Variants in RPL27 observed in about 807,000 individuals in gnomAD.
RPL27 encodes the protein large ribosomal subunit protein eL27.
For missense variants in RPL27, 131 were observed against 174.3 expected, an observed-to-expected ratio of 0.75 and a Z score of 1.40; for synonymous variants, 77 against 61.0, an observed-to-expected ratio of 1.26 and a Z score of -1.22.
intron 3 of RPL27, among the ~76,000 whole-genome samples, chr17:43,002,342 A>G (rs1197325394): frequency 1.4e-5 from 2 of 146,176 alleles, no homozygotes; most frequent in African/African-American, 2.7e-5. Flanking sequence ...CGTCTCTACT[A>G]AAAAAATACA....
At chr17:43,001,666 G>T (rs1270636062) in intron 3 of RPL27, among the ~76,000 whole-genome samples, 2 of 151,542 alleles carry the variant, frequency 1.3e-5, no homozygotes, top group Non-Finnish European at 2.9e-5. Flanking sequence ...CTGTTTCTTG[G>T]GTGCTGGGAT....
intron 2 of RPL27, chr17:42,999,700 T>A: frequency 3.9e-6 from 2 of 508,526 alleles, no homozygotes; most frequent in Non-Finnish European, 7.0e-6. Flanking sequence ...TGTTAACTGT[T>A]GCTACTTTTA....
rs780252530 is a variant in RPL27 at position 42,999,987 on chromosome 17, A to C, written c.136A>C (p.Ile46Leu). The C allele has an allele frequency of 6.2e-7, 1 of 1,612,306 alleles. No homozygotes were observed. The highest frequency in any genetic ancestry group is 8.5e-7 in the Non-Finnish European group (1 of 1,179,894). Residue 46 changes from isoleucine to leucine, a missense_variant, in exon 3 of 5, where the codon ATT becomes CTT. Transcript: ENST00000253788. ...RPYSHALVAG[I>L]DRYPRKVTAA... is the part of the protein sequence containing the mutation. ...CTACAGCCATGCTCTGGTGGCTGGA[A>C]TTGACCGCTACCCCCGCAAAGTGAC...
chr17:42,998,557 C>T (rs1206508644), intron 1 of RPL27, 86 bp downstream of exon 1: 2 of 479,278 alleles, frequency 4.2e-6, no homozygotes, highest in Non-Finnish European at 3.7e-6. Context: ...GGGTGCATTC[C>T]TTCCCTAGGT....
Position 42,998,850 on chromosome 17 carries a change from T to C in RPL27, c.81+19T>C. 1.2e-6 allele frequency: 2 copies of C among 1,607,900 alleles called. No individual in the cohort carries two copies. The highest frequency in any genetic ancestry group is 1.7e-5 in the Admixed American group (1 of 59,914). ...CGTGAAGGTATCAGCCTCGCGGGACTCTGCGTCCTTGCATGCCGGGACCAG... is the reference window on the plus strand; with the variant it reads ...CGTGAAGGTATCAGCCTCGCGGGACCCTGCGTCCTTGCATGCCGGGACCAG... On this transcript the variant is annotated intron_variant, in intron 2 of 4. Transcript: ENST00000253788.
At chr17:43,001,353 C>G (rs1003526319) in intron 3 of RPL27, among the ~76,000 whole-genome samples, 1 of 151,886 alleles carries the variant, frequency 6.6e-6, no homozygotes, top group Non-Finnish European at 1.5e-5. Flanking sequence ...AGGCCGGACA[C>G]CATGGCTCAC....
chr17:42,999,941 T>C lies in RPL27; in HGVS notation c.90T>C (p.Asp30=), dbSNP rs771862469. Residue 30 remains aspartate (D), a synonymous_variant, in exon 3 of 5, where the codon GAT becomes GAC. Coordinates refer to ENST00000253788, the MANE Select transcript of RPL27 (RefSeq NM_000988.5). ...AATTCTTACTCATTTAGAACATTGA[T>C]GATGGCACCTCAGATCGCCCCTACA... The part of the protein sequence containing the change: ...GRKAVIVKNI[D]DGTSDRPYSH... 91 of 1,611,616 alleles carry C rather than the reference T, an allele frequency of 5.6e-5. 3 individuals carry two copies. Among genetic ancestry groups the C allele is most frequent in the East Asian group, 4.5e-4 (20 of 44,884 alleles).
chr17:42,998,579 A>G, intron 1 of RPL27, 108 bp downstream of exon 1: 3 of 523,934 alleles, frequency 5.7e-6, no homozygotes, highest in Non-Finnish European at 1.0e-5. Context: ...TCTGGCGGCT[A>G]CGTATCCGAT....
intron 3 of RPL27, 145 bp downstream of exon 3, chr17:43,000,247 G>A: frequency 1.5e-6 from 1 of 676,512 alleles, no homozygotes; most frequent in Non-Finnish European, 2.6e-6. Context: ...ATGGTTTCCA[G>A]TTTTGCCTTT....
Position 43,002,733 on chromosome 17 carries a change from T to C in RPL27, c.312T>C (p.Pro104=), listed in dbSNP as rs2050378675. ...TCAATAAGGATGTCTTCAGAGATCCTGCTCTTAAACGCAAGGCCCGACGGG... is the reference window on the plus strand; with the variant it reads ...TCAATAAGGATGTCTTCAGAGATCCCGCTCTTAAACGCAAGGCCCGACGGG... ...TVVNKDVFRD[P]ALKRKARREA... is the part of the protein sequence containing the mutation. Residue 104 remains proline, a synonymous_variant, in exon 4 of 5, where the codon CCT becomes CCC. Coordinates refer to ENST00000253788, the MANE Select transcript of RPL27 (RefSeq NM_000988.5). The C allele has an allele frequency of 3.7e-6, 6 of 1,614,030 alleles. No individual in the cohort carries two copies. The highest frequency in any genetic ancestry group is 5.1e-6 in the Non-Finnish European group (6 of 1,179,932).
chr17:42,999,869 T>C, intron 2 of RPL27, 64 bp from the exon 3 acceptor site: 1 of 1,382,550 alleles, frequency 7.2e-7, no homozygotes, highest in Non-Finnish European at 1.0e-6. Flanking sequence ...GACACTGCAC[T>C]ACCTCTAACA....
chr17:42,999,983 T>A lies in RPL27; in HGVS notation c.132T>A (p.Ala44=). ...SDRPYSHALV[A]GIDRYPRKVT... ...GCCCCTACAGCCATGCTCTGGTGGC[T>A]GGAATTGACCGCTACCCCCGCAAAG... Residue 44 remains alanine, a synonymous_variant, in exon 3 of 5, where the codon GCT becomes GCA. Transcript: ENST00000253788. The A allele has an allele frequency of 6.2e-7, 1 of 1,612,238 alleles. No individual in the cohort carries two copies. Among genetic ancestry groups the A allele is most frequent in the Non-Finnish European group, 8.5e-7 (1 of 1,179,866 alleles).
At chr17:43,001,054 A>T (rs1272067460) in intron 3 of RPL27, among the ~76,000 whole-genome samples, 1 of 144,796 alleles carries the variant, frequency 6.9e-6, no homozygotes, top group African/African-American at 2.6e-5. Context: ...CGTCTCAAAG[A>T]GGTGCAAGGC....
intron 2 of RPL27, 192 bp downstream of exon 2, chr17:42,999,023 C>T (rs1158259633): frequency 3.6e-6 from 2 of 562,160 alleles, no homozygotes; most frequent in Non-Finnish European, 3.2e-6. Flanking sequence ...GGGCTCCCAA[C>T]GCATAAAGCC....
chr17:43,001,535 C>T (rs946342381), intron 3 of RPL27, among the ~76,000 whole-genome samples: 1 of 151,328 alleles, frequency 6.6e-6, no homozygotes, highest in East Asian at 1.9e-4. Context: ...GTGGGAGAAT[C>T]GCTTGAGTTT....
chr17:43,002,540 C>T (rs2050375570), intron 3 of RPL27, 133 bp from the exon 4 acceptor site: 3 of 646,900 alleles, frequency 4.6e-6, no homozygotes, highest in South Asian at 3.7e-5. Flanking sequence ...CAGATAATGT[C>T]ATCGGGACAT....
rs553008480 is a variant in RPL27, at chr17:43,001,043, C to A, written c.251+941C>A. Among the ~76,000 whole-genome samples, 21 of 146,962 alleles carry A rather than the reference C, an allele frequency of 1.4e-4. No individual in the cohort carries two copies. The East Asian group carries it at 4.2e-3, about 29-fold the overall frequency. The stretch of plus-strand genomic sequence containing the variant: ...CAGCCTGGGCAAGGAGAGCAAAGCT[C>A]CGTCTCAAAGAGGTGCAAGGCCGGG... On this transcript the variant is annotated intron_variant, in intron 3 of 4. Transcript: ENST00000253788.
At chr17:42,999,173 T>TTTTTTTTTC (rs2050332807) in intron 2 of RPL27, 1 of 179,958 alleles carries the variant, frequency 5.6e-6, no homozygotes, top group Non-Finnish European at 1.2e-5. Context: ...CTTTTCTTTT[T>TTTTTTTTTC]TTTTTTTTTG....
At chr17:43,000,921 A>C (rs937161128) in intron 3 of RPL27, among the ~76,000 whole-genome samples, 5 of 151,546 alleles carry the variant, frequency 3.3e-5, no homozygotes, top group African/African-American at 7.3e-5. Context: ...GGGCATGGTA[A>C]TCCTGTAATC....
Sources: gnomAD v4.1 joint callset for allele counts (sites outside exome capture counted in the v4.1 genomes callset) on GRCh38, gnomAD v4.1.1 for gene constraint, MANE v1.5 for transcripts, NCBI Gene and HGNC (gene_info 2026-07-23, HGNC 2026-07-21) for gene names.